Variants in MGMT observed in about 807,000 individuals in gnomAD.
MGMT encodes O-6-methylguanine-DNA methyltransferase, also known as methylated-DNA--protein-cysteine methyltransferase.
In MGMT, 14 loss-of-function variants were observed where a neutral mutation model predicts 15.9. The ratio of observed to expected loss-of-function variants is 0.88; its 90% CI spans 0.58 to 1.37. The LOEUF is 1.37. MGMT is among the 40% of genes most tolerant of loss of function. MGMT has a pLI of 0.00. For synonymous variants in MGMT, 130 were observed against 118.2 expected, an observed-to-expected ratio of 1.10 and a Z score of -0.65; for missense variants, 282 against 268.1, an observed-to-expected ratio of 1.05 and a Z score of -0.36.
intron 1 of MGMT, among the ~76,000 whole-genome samples, chr10:129,523,930 G>C (rs1845840779): frequency 6.6e-6 from 1 of 152,310 alleles, no homozygotes; most frequent in Non-Finnish European, 1.5e-5. Flanking sequence ...AGACTGGCGG[G>C]GTCCCAGCCT....
chr10:129,524,427 C>T (rs1322779169), intron 1 of MGMT, among the ~76,000 whole-genome samples: 1 of 152,098 alleles, frequency 6.6e-6, no homozygotes, highest in Non-Finnish European at 1.5e-5. Context: ...CCTGAGTGTA[C>T]TCAGGTTTGC....
chr10:129,516,399 G>T (rs377351619), intron 1 of MGMT, among the ~76,000 whole-genome samples: 2 of 152,188 alleles, frequency 1.3e-5, no homozygotes, highest in Non-Finnish European at 2.9e-5. Flanking sequence ...GGCCGGGGGC[G>T]TGCTGATATC....
chr10:129,597,276 A>T (rs1176030727), intron 2 of MGMT, among the ~76,000 whole-genome samples: 1 of 152,118 alleles, frequency 6.6e-6, no homozygotes, highest in Non-Finnish European at 1.5e-5. Flanking sequence ...GTTCATCTGG[A>T]TCTCAACCTC....
intron 4 of MGMT, among the ~76,000 whole-genome samples, chr10:129,761,159 T>C (rs1454661307): frequency 6.6e-6 from 1 of 151,962 alleles, no homozygotes; most frequent in East Asian, 1.9e-4. Flanking sequence ...GTAGGGCCCA[T>C]GAGAACTGTG....
chr10:129,725,344 T>G (rs1377595734), intron 3 of MGMT, among the ~76,000 whole-genome samples: 1 of 152,224 alleles, frequency 6.6e-6, no homozygotes, highest in East Asian at 1.9e-4. Context: ...ACCAGGCATG[T>G]GGGTCAGCGC....
At chr10:129,747,749 C>T (rs538198003) in intron 3 of MGMT, among the ~76,000 whole-genome samples, 1 of 152,266 alleles carries the variant, frequency 6.6e-6, no homozygotes, top group African/African-American at 2.4e-5. Context: ...TTCCAGGATC[C>T]TGCCTTGGAT....
At chr10:129,746,279 T>A (rs1253771791) in intron 3 of MGMT, among the ~76,000 whole-genome samples, 1 of 151,516 alleles carries the variant, frequency 6.6e-6, no homozygotes, top group Non-Finnish European at 1.5e-5. Context: ...ACACCTGACT[T>A]TCATAGACCA....
intron 2 of MGMT, among the ~76,000 whole-genome samples, chr10:129,655,480 G>C (rs1847515116): frequency 6.6e-6 from 1 of 152,222 alleles, no homozygotes; most frequent in Admixed American, 6.5e-5. Context: ...CTGGTGGGGA[G>C]AGCAGGAAAA....
intron 1 of MGMT, among the ~76,000 whole-genome samples, chr10:129,489,263 G>C (rs1845443088): frequency 6.8e-6 from 1 of 147,200 alleles, no homozygotes; most frequent in African/African-American, 2.5e-5. Flanking sequence ...GGGAGGCTGA[G>C]ACAGGGGAAT....
chr10:129,613,712 G>T (rs949715246), intron 2 of MGMT, among the ~76,000 whole-genome samples: 1 of 152,220 alleles, frequency 6.6e-6, no homozygotes, highest in Non-Finnish European at 1.5e-5. Flanking sequence ...GAGTCTTGGC[G>T]GGAGGCTGGT....
chr10:129,489,778 A>C (rs1456477149), intron 1 of MGMT, among the ~76,000 whole-genome samples: 1 of 152,110 alleles, frequency 6.6e-6, no homozygotes, highest in African/African-American at 2.4e-5. Flanking sequence ...TTTATGACTG[A>C]TATGCGGAAA....
chr10:129,739,777 A>G (rs1848609365), intron 3 of MGMT, among the ~76,000 whole-genome samples: 1 of 152,170 alleles, frequency 6.6e-6, no homozygotes, highest in Non-Finnish European at 1.5e-5. Context: ...GAGTTTTTTT[A>G]TGATTTTTTT....
chr10:129,740,688 G>C (rs565070884), intron 3 of MGMT, among the ~76,000 whole-genome samples: 1 of 152,196 alleles, frequency 6.6e-6, no homozygotes, highest in East Asian at 1.9e-4. Context: ...GCAGGCATGG[G>C]ATGCCTGCAG....
intron 2 of MGMT, among the ~76,000 whole-genome samples, chr10:129,697,445 C>A (rs1848044922): frequency 6.6e-6 from 1 of 151,998 alleles, no homozygotes; most frequent in Non-Finnish European, 1.5e-5. Flanking sequence ...CTGGGTCTGT[C>A]CCTTATGCGT....
At chr10:129,585,543 A>G (rs1846608514) in intron 2 of MGMT, among the ~76,000 whole-genome samples, 1 of 152,204 alleles carries the variant, frequency 6.6e-6, no homozygotes, top group Non-Finnish European at 1.5e-5. Context: ...TACTATTCTT[A>G]TATAGCCCAG....
Position 129,767,101 on chromosome 10 carries a change from G to A in MGMT, c.*104G>A. On this transcript the variant is annotated 3_prime_UTR_variant, in exon 5 of 5. Transcript: ENST00000651593. ...TATTAAAGGAAGTGGCAGTGTCCTG[G>A]GAACAAGCGTGTCTGCCCTTTCTGT... 1 of 1,000,082 alleles carries A rather than the reference G, an allele frequency of 1.0e-6. No homozygotes were observed. Among genetic ancestry groups the A allele is most frequent in the Non-Finnish European group, 1.4e-6 (1 of 700,516 alleles). The allele number at this position is 1,000,082 out of a possible 1,614,324, so 62.0% of individuals were successfully genotyped here.
At chr10:129,518,182 T>C (rs1554905622) in intron 1 of MGMT, among the ~76,000 whole-genome samples, 1 of 151,934 alleles carries the variant, frequency 6.6e-6, no homozygotes, top group Non-Finnish European at 1.5e-5. Flanking sequence ...CTGTTTATAA[T>C]GATAGAAAAA....
intron 1 of MGMT, among the ~76,000 whole-genome samples, chr10:129,475,662 C>T (rs1404753620): frequency 1.3e-5 from 2 of 152,174 alleles, no homozygotes; most frequent in Non-Finnish European, 2.9e-5. Flanking sequence ...AGCACACTCC[C>T]AGTGCCTCTG....
intron 2 of MGMT, among the ~76,000 whole-genome samples, chr10:129,555,571 C>T (rs1197847082): frequency 6.6e-6 from 1 of 151,756 alleles, no homozygotes; most frequent in Non-Finnish European, 1.5e-5. Flanking sequence ...AAAAATTATC[C>T]AGGCCTGGTG....
Sources: gnomAD v4.1 joint callset for allele counts (sites outside exome capture counted in the v4.1 genomes callset) on GRCh38, gnomAD v4.1.1 for gene constraint, MANE v1.5 for transcripts, NCBI Gene and HGNC (gene_info 2026-07-23, HGNC 2026-07-21) for gene names.